SMOC1: variants seen among roughly 807,000 people sequenced by gnomAD.
SMOC1 encodes SPARC related modular calcium binding 1.
SMOC1 carries 22 observed loss-of-function variants against 56.3 expected under a neutral mutation model. The ratio of observed to expected loss-of-function variants is 0.39; its 90% CI spans 0.28 to 0.56. The LOEUF is 0.56. Among genes scored for constraint, SMOC1 ranks in the 20% least tolerant of loss-of-function variants. SMOC1 has a pLI of 0.61. For synonymous variants in SMOC1, 193 were observed against 215.0 expected, an observed-to-expected ratio of 0.90 and a Z score of 0.89; for missense variants, 509 against 565.4, an observed-to-expected ratio of 0.90 and a Z score of 1.01.
intron 1 of SMOC1, among the ~76,000 whole-genome samples, chr14:69,911,487 C>G (rs771053338): frequency 6.6e-6 from 1 of 152,320 alleles, no homozygotes; most frequent in East Asian, 1.9e-4. Context: ...GCTCCGCACC[C>G]CAAATCTCTT....
intron 11 of SMOC1, 76 bp from the exon 12 acceptor site, chr14:70,030,166 C>A (rs1886086674): frequency 3.7e-6 from 6 of 1,602,684 alleles, no homozygotes; most frequent in Middle Eastern, 1.7e-4. Context: ...TTCTCACAAG[C>A]CCAACTCTAA....
rs1883074787 is a variant in SMOC1 at position 69,953,405 on chromosome 14, C to T, written c.266-15C>T. ...ATCCAAGTGAAATATGAAATCTGCT[C>T]CTCTCCTCTTTCAGATGCTGGCCAG... On this transcript the variant is annotated splice_polypyrimidine_tract_variant and intron_variant, in intron 2 of 11. Transcript: ENST00000361956. The T allele has an allele frequency of 3.1e-6, 5 of 1,612,522 alleles. No individual in the cohort carries two copies. The highest frequency in any genetic ancestry group is 4.5e-5 in the East Asian group (2 of 44,874).
At chr14:69,979,579 A>G (rs570508881) in intron 5 of SMOC1, among the ~76,000 whole-genome samples, 29 of 152,188 alleles carry the variant, frequency 1.9e-4, no homozygotes, top group African/African-American at 6.7e-4. Context: ...GATGCCTTCA[A>G]GTTTTCTATT....
intron 1 of SMOC1, 97 bp from the exon 2 acceptor site, chr14:69,952,041 T>TA (rs1178743520): frequency 1.4e-6 from 2 of 1,418,796 alleles, no homozygotes; most frequent in Non-Finnish European, 2.0e-6. Flanking sequence ...ATTAGGGACT[T>TA]ACTTTCTAAA....
At position 70,004,564 on chromosome 14, in the gene SMOC1, C is replaced by T. The variant is rs188951548; in HGVS notation, c.665-6190C>T. Among the ~76,000 whole-genome samples, 58 of 152,326 alleles carry T rather than the reference C, an allele frequency of 3.8e-4. No individual in the cohort carries two copies. The East Asian group carries it at 0.011, about 28-fold the overall frequency. ...TTGAGTTTCCAGTCTGCTGACCTGA[C>T]CTATTGATATTGGACTCAAGACTGC... On this transcript the variant is annotated intron_variant, in intron 7 of 11. Transcript: ENST00000361956.
chr14:69,920,670 G>C (rs1884815385), intron 1 of SMOC1, among the ~76,000 whole-genome samples: 2 of 152,158 alleles, frequency 1.3e-5, no homozygotes, highest in African/African-American at 4.8e-5. Flanking sequence ...GTCTGGTGGG[G>C]GGGAGGCAAT....
At chr14:69,983,992 G>A (rs528669177) in intron 5 of SMOC1, among the ~76,000 whole-genome samples, 20 of 152,290 alleles carry the variant, frequency 1.3e-4, no homozygotes, top group African/African-American at 3.6e-4. Flanking sequence ...AAGTTTCTTC[G>A]GAAAGGCAAT....
chr14:69,915,158 G>A (rs1054449794), intron 1 of SMOC1, among the ~76,000 whole-genome samples: 2 of 152,144 alleles, frequency 1.3e-5, no homozygotes, highest in Non-Finnish European at 2.9e-5. Flanking sequence ...TTGAGCCACC[G>A]CGCCCGGCCA....
In SMOC1 at chr14:70,032,072, A is replaced by G. The variant is rs976434680; in HGVS notation, c.*1814A>G. ...CAGGAATGACTGGTGGCCCTGCCCCAACGTGGAAAGGTGGGAAGGAAGCCT... is the reference window on the plus strand; with the variant it reads ...CAGGAATGACTGGTGGCCCTGCCCCGACGTGGAAAGGTGGGAAGGAAGCCT... On this transcript the variant is annotated 3_prime_UTR_variant, in exon 12 of 12. Transcript: ENST00000361956. 3 of 152,336 alleles carry G rather than the reference A, an allele frequency of 2.0e-5. No homozygotes were observed. Among genetic ancestry groups the G allele is most frequent in the African/African-American group, 7.2e-5 (3 of 41,466 alleles). The allele number at this position is 152,336 out of a possible 1,614,324, so 9.4% of individuals were successfully genotyped here. A position where few individuals can be genotyped will look rare whatever the true frequency, so the allele number is the denominator to read the frequency against.
At chr14:69,908,144 A>G (rs968634572) in intron 1 of SMOC1, among the ~76,000 whole-genome samples, 2 of 152,172 alleles carry the variant, frequency 1.3e-5, no homozygotes, top group African/African-American at 4.8e-5. Context: ...CAGTGTGGGG[A>G]AAAAAGTAGG....
At chr14:69,901,972 C>T (rs1884253088) in intron 1 of SMOC1, among the ~76,000 whole-genome samples, 1 of 152,194 alleles carries the variant, frequency 6.6e-6, no homozygotes, top group Non-Finnish European at 1.5e-5. Context: ...GAACACCGTC[C>T]CTCACTCTAC....
intron 1 of SMOC1, among the ~76,000 whole-genome samples, chr14:69,895,460 G>A (rs1884070004): frequency 6.6e-6 from 1 of 152,214 alleles, no homozygotes; most frequent in East Asian, 1.9e-4. Flanking sequence ...GCAGCAGTGA[G>A]AGCATGTTTG....
chr14:70,017,713 C>T (rs142186503), intron 10 of SMOC1, among the ~76,000 whole-genome samples: 1 of 152,320 alleles, frequency 6.6e-6, no homozygotes, highest in East Asian at 1.9e-4. Context: ...GTATGAGCTC[C>T]ATGCTAGGTT....
At chr14:70,000,232 G>C (rs1884917222) in intron 7 of SMOC1, among the ~76,000 whole-genome samples, 1 of 152,196 alleles carries the variant, frequency 6.6e-6, no homozygotes, top group African/African-American at 2.4e-5. Context: ...AAAGAGTGAA[G>C]TTGTGATACT....
intron 1 of SMOC1, among the ~76,000 whole-genome samples, chr14:69,937,293 A>G (rs951501867): frequency 2.6e-5 from 4 of 152,158 alleles, no homozygotes; most frequent in Non-Finnish European, 5.9e-5. Context: ...GGGAAATCTG[A>G]CCTTAAGGGT....
rs371020028 is a variant in SMOC1 at position 70,023,498 on chromosome 14, G to A, written c.1291+51G>A. ...GCCTTTCAATACTTGCCCCCACCCA[G>A]GCATGGGACCAAGGGCTCTCTGATA... is the stretch of plus-strand genomic sequence containing the variant. On this transcript the variant is annotated intron_variant, in intron 11 of 11. Transcript: ENST00000361956. 36 of 1,612,914 alleles carry A rather than the reference G, an allele frequency of 2.2e-5. No individual in the cohort carries two copies. In the African/African-American group the frequency reaches 3.5e-4, roughly 16 times the overall value.
intron 1 of SMOC1, among the ~76,000 whole-genome samples, chr14:69,910,598 A>ATT (rs35582659): frequency 6.1e-5 from 9 of 148,694 alleles, no homozygotes; most frequent in Admixed American, 2.0e-4. Context: ...TGTTTGAAGG[A>ATT]TTTTTTTTTT....
At chr14:69,967,248 C>T (rs781077341) in intron 3 of SMOC1, among the ~76,000 whole-genome samples, 2 of 152,220 alleles carry the variant, frequency 1.3e-5, no homozygotes, top group Non-Finnish European at 2.9e-5. Flanking sequence ...GAGGTAAATA[C>T]TCTTAAAGGA....
intron 3 of SMOC1, among the ~76,000 whole-genome samples, chr14:69,967,005 A>G (rs1883600537): frequency 6.6e-6 from 1 of 152,202 alleles, no homozygotes; most frequent in Admixed American, 6.5e-5. Context: ...CCTTCCTTAT[A>G]GCATCCTTCC....
Sources: allele counts gnomAD v4.1 joint callset (sites outside exome capture counted in the v4.1 genomes callset), GRCh38; gene constraint gnomAD v4.1.1; transcripts MANE v1.5; gene names NCBI Gene and HGNC (gene_info 2026-07-23, HGNC 2026-07-21).